Variants in PIEZO1 observed in about 807,000 individuals in gnomAD.
PIEZO1 encodes piezo type mechanosensitive ion channel component 1 (Er blood group).
A neutral mutation model predicts 297.2 loss-of-function variants in PIEZO1; 296 were observed. That is an observed-to-expected ratio of 1.00 (90% CI 0.91 to 1.10). The LOEUF (loss-of-function observed/expected upper bound fraction) is 1.10. Among genes scored for constraint, PIEZO1 ranks in the 50% least tolerant of loss-of-function variants. PIEZO1 has a pLI of 0.00. For missense variants in PIEZO1, 5,018 were observed against 3,455.5 expected, an observed-to-expected ratio of 1.45 and a Z score of -11.34; for synonymous variants, 2,427 against 1,507.5, an observed-to-expected ratio of 1.61 and a Z score of -14.13.
At chr16:88,774,086 A>G (rs987178325) in intron 1 of PIEZO1, among the ~76,000 whole-genome samples, 4 of 152,220 alleles carry the variant, frequency 2.6e-5, no homozygotes, top group African/African-American at 9.6e-5. Flanking sequence ...CTCCCAACAC[A>G]GCAGGAACCG....
chr16:88,741,453 A>G (rs1324668870), intron 5 of PIEZO1, 25 bp downstream of exon 5: 1 of 1,523,246 alleles, frequency 6.6e-7, no homozygotes, highest in Non-Finnish European at 8.8e-7. Flanking sequence ...CCTCCCTGAC[A>G]CACGGGTGAC....
chr16:88,730,839 TAACA>T (rs1415447105), intron 22 of PIEZO1, among the ~76,000 whole-genome samples: 2 of 152,196 alleles, frequency 1.3e-5, no homozygotes, highest in East Asian at 3.9e-4. Context: ...AAGCAGCCAG[TAACA>T]AATGGCAGCT....
In PIEZO1 at chr16:88,715,959, C is replaced by A; in HGVS notation, c.7290G>T (p.Pro2430=). The change falls in exon 50 of 51, where the codon CCG becomes CCT. Residue 2430 remains proline, a synonymous_variant. Transcript: ENST00000301015. ...MVIFSDKVSP[P]SLGFLAGYGI... Reference sequence around the variant, plus strand: ...CGTAGCCAGCCAGGAAGCCGAGGCTCGGTGGGCTGACCTTGTCACTGAAAA... The same window carrying A: ...CGTAGCCAGCCAGGAAGCCGAGGCTAGGTGGGCTGACCTTGTCACTGAAAA... The A allele has an allele frequency of 1.3e-6, 2 of 1,549,870 alleles. No individual in the cohort carries two copies. The highest frequency in any genetic ancestry group is 2.7e-5 in the African/African-American group (2 of 73,160).
At chr16:88,721,784 C>G (rs1435018128) in intron 37 of PIEZO1, 24 bp downstream of exon 37, 2 of 1,537,792 alleles carry the variant, frequency 1.3e-6, no homozygotes. Flanking sequence ...GCCGGGCGCC[C>G]CCTCCCCCGC....
chr16:88,772,812 C>T (rs925666071), intron 1 of PIEZO1, among the ~76,000 whole-genome samples: 2 of 152,060 alleles, frequency 1.3e-5, no homozygotes, highest in African/African-American at 4.8e-5. Flanking sequence ...CCCCTCCTCC[C>T]TGTTCTCTGA....
rs780986676 is a variant in PIEZO1, at chr16:88,726,608, G to T, written c.3735C>A (p.Thr1245=). Residue 1245 remains threonine (T), a synonymous_variant, in exon 26 of 51, where the codon ACC becomes ACA. Coordinates refer to ENST00000301015, the MANE Select transcript of PIEZO1 (RefSeq NM_001142864.4). ...LACVFVEQMQ[T]GFCWVIQLFS... ...AGAGCTGGATGACCCAGCAGAAGCC[G>T]GTCTGCATCTGCTCCACGAAGACGC... The T allele has an allele frequency of 8.4e-6, 13 of 1,549,590 alleles. No homozygotes were observed. The highest frequency in any genetic ancestry group is 1.2e-5 in the South Asian group (1 of 84,038).
In PIEZO1 at chr16:88,747,911, T is replaced by C. The variant is rs1425318905; in HGVS notation, c.160+1473A>G. On this transcript the variant is annotated intron_variant, in intron 2 of 50. Coordinates refer to ENST00000301015, the MANE Select transcript of PIEZO1 (RefSeq NM_001142864.4). ...GGGAGGGGCCCCAAGCCCAGGAAGG[T>C]AGGCACCTGGAGCAGCTGGAAGAGG... Among the ~76,000 whole-genome samples, 6 of 152,084 alleles carry C rather than the reference T, an allele frequency of 3.9e-5. No homozygotes were observed. In the East Asian group the frequency reaches 1.2e-3, roughly 29 times the overall value.
At chr16:88,783,072 TA>T (rs1908009178) in intron 1 of PIEZO1, among the ~76,000 whole-genome samples, 1 of 152,196 alleles carries the variant, frequency 6.6e-6, no homozygotes, top group East Asian at 1.9e-4. Context: ...CACTATTCTT[TA>T]AAAGTTTCAT....
rs1358151470 is a variant in PIEZO1 at position 88,735,187 on chromosome 16, C to T, written c.1617G>A (p.Leu539=). The part of the protein sequence containing the change: ...LLRQFVKEKL[L]KWAESPAALT... ...GCGCAGCTGGAGACTCTGCCCACTT[C>T]AGCAGCTTCTCTTTCACAAACTGGC... is the stretch of plus-strand genomic sequence containing the variant. Residue 539 remains leucine (L), a synonymous_variant, in exon 13 of 51, where the codon CTG becomes CTA. Coordinates refer to ENST00000301015, the MANE Select transcript of PIEZO1 (RefSeq NM_001142864.4). The T allele has an allele frequency of 1.9e-6, 3 of 1,550,294 alleles. No homozygotes were observed. In the African/African-American group the frequency reaches 4.1e-5, roughly 21 times the overall value.
At chr16:88,749,342 C>A (rs1319737144) in intron 2 of PIEZO1, 42 bp downstream of exon 2, 2 of 1,323,730 alleles carry the variant, frequency 1.5e-6, no homozygotes, top group African/African-American at 1.5e-5. Flanking sequence ...AATGCCCACC[C>A]CCTCCCACCC....
chr16:88,721,860 G>T lies in PIEZO1; in HGVS notation c.5162C>A (p.Ser1721Ter). 6.5e-7 allele frequency: 1 copy of T among 1,549,876 alleles called. No homozygotes were observed. The highest frequency in any genetic ancestry group is 8.7e-7 in the Non-Finnish European group (1 of 1,146,758). ...GAAGCGCTTGCTGGGCCTCGGGATC[G>T]ACAGCATGGCCCACAGGAAGACGAG... ...PVLVFLWAML[S>*]IPRPSKRFWM... The change falls in exon 37 of 51, where the codon TCG (serine) becomes TAG (stop). Residue 1721 changes from serine to a stop codon, truncating the protein, a stop_gained. Transcript: ENST00000301015. LOFTEE classifies it high-confidence loss of function.
chr16:88,749,572 G>A (rs774732192), intron 1 of PIEZO1, 93 bp from the exon 2 acceptor site: 13 of 966,822 alleles, frequency 1.3e-5, no homozygotes, highest in African/African-American at 6.7e-5. Flanking sequence ...TCGTCACACC[G>A]CCGAGGCCGT....
chr16:88,721,130 G>A lies in PIEZO1; in HGVS notation c.5668+36C>T, dbSNP rs761768867. On this transcript the variant is annotated intron_variant, in intron 39 of 50. Transcript: ENST00000301015. The stretch of plus-strand genomic sequence containing the variant: ...CTGCAGTAGCCCCACTCAGAAAACT[G>A]GGTAGGCAGGAGGTTGTGAGGCAGG... 3.1e-4 allele frequency: 446 copies of A among 1,456,966 alleles called. 2 individuals are homozygous for A. The highest frequency in any genetic ancestry group is 1.4e-3 in the Middle Eastern group (8 of 5,556). The allele number at this position is 1,456,966 out of a possible 1,614,324, so 90.3% of individuals were successfully genotyped here. A position where few individuals can be genotyped will look rare whatever the true frequency, so the allele number is the denominator to read the frequency against.
At chr16:88,779,764 C>G (rs1000846725) in intron 1 of PIEZO1, among the ~76,000 whole-genome samples, 6 of 152,352 alleles carry the variant, frequency 3.9e-5, no homozygotes, top group African/African-American at 1.4e-4. Flanking sequence ...TGCTCCGGGA[C>G]CAGGCGGTGA....
chr16:88,720,822 G>A (rs751922655), intron 39 of PIEZO1, 74 bp from the exon 40 acceptor site: 3 of 1,408,910 alleles, frequency 2.1e-6, no homozygotes, highest in African/African-American at 1.4e-5. Flanking sequence ...ACCACCCTAA[G>A]AGGCTGGCAT....
Position 88,720,701 on chromosome 16 carries a change from G to A in PIEZO1, c.5716C>T (p.Pro1906Ser). Residue 1906 changes from proline (P) to serine (S), a missense_variant, in exon 40 of 51, where the codon CCC (proline) becomes TCC (serine). Physicochemically the swap from Pro to Ser is moderately conservative, Grantham distance 74. Transcript: ENST00000301015. ...EEEGEEEKEAPTGREKRPSRS... is the reference protein window; with the variant it reads ...EEEGEEEKEASTGREKRPSRS... Reference sequence around the variant, plus strand: ...CTTGGCCTCTTCTCTCTCCCCGTGGGGGCCTCTTTCTCTTCCTCCCCCTCT... The same window carrying A: ...CTTGGCCTCTTCTCTCTCCCCGTGGAGGCCTCTTTCTCTTCCTCCCCCTCT... 6.5e-7 allele frequency: 1 copy of A among 1,536,776 alleles called. No individual in the cohort carries two copies. The highest frequency in any genetic ancestry group is 8.8e-7 in the Non-Finnish European group (1 of 1,141,422).
rs143663297 is a variant in PIEZO1 at position 88,773,106 on chromosome 16, CATCT to C, written c.64+11791_64+11794del. ...GCTCTGGAAGCAGCAATTACTCCTC[CATCT>C]GTCACCAGCGGCTCCAGCCAGCCCT... On this transcript the variant is annotated intron_variant, in intron 1 of 50. Coordinates refer to ENST00000301015, the MANE Select transcript of PIEZO1 (RefSeq NM_001142864.4). 7.1e-3 allele frequency among the ~76,000 whole-genome samples: 1,087 copies of C among 152,384 alleles called. 15 individuals are homozygous for C. The highest frequency in any genetic ancestry group is 0.025 in the African/African-American group (1,041 of 41,590).
Position 88,732,602 on chromosome 16 carries a change from C to G in PIEZO1, c.2790+5G>C. The G allele has an allele frequency of 1.3e-6, 2 of 1,547,598 alleles. No individual in the cohort carries two copies. Among genetic ancestry groups the G allele is most frequent in the Non-Finnish European group, 8.7e-7 (1 of 1,145,018 alleles). On this transcript the variant is annotated splice_donor_5th_base_variant and intron_variant, in intron 20 of 50. Transcript: ENST00000301015. ...GCCCAGCCGCCCACCAGCCCTTCAA[C>G]TCACCTGGATGTAGCCCAGGTTGGG...
chr16:88,771,494 G>A (rs1907422358), intron 1 of PIEZO1, among the ~76,000 whole-genome samples: 2 of 152,340 alleles, frequency 1.3e-5, no homozygotes, highest in Non-Finnish European at 2.9e-5. Flanking sequence ...TTGACTGGGG[G>A]CTCGGCTCCC....
Sources: allele counts gnomAD v4.1 joint callset (sites outside exome capture counted in the v4.1 genomes callset), GRCh38; gene constraint gnomAD v4.1.1; transcripts MANE v1.5; gene names NCBI Gene and HGNC (gene_info 2026-07-23, HGNC 2026-07-21).